The following CAMKK2 variants were observed in gnomAD, a reference collection of about 807,000 sequenced individuals.
The protein encoded by CAMKK2 is calcium/calmodulin-dependent protein kinase kinase 2.
Under a neutral mutation model 67.2 loss-of-function variants are expected in CAMKK2, and 30 were observed. The observed-to-expected ratio is 0.45, with a 90% confidence interval of 0.33 to 0.61. The LOEUF is 0.61. CAMKK2 is among the 20% of genes least tolerant of loss of function. The pLI, the probability that CAMKK2 is intolerant of heterozygous loss-of-function variation, is 0.02. For missense variants in CAMKK2, 643 were observed against 802.0 expected, an observed-to-expected ratio of 0.80 and a Z score of 2.39; for synonymous variants, 322 against 326.2, an observed-to-expected ratio of 0.99 and a Z score of 0.14.
At chr12:121,274,982 A>G (rs1483562740) in intron 1 of CAMKK2, among the ~76,000 whole-genome samples, 1 of 151,218 alleles carries the variant, frequency 6.6e-6, no homozygotes, top group Non-Finnish European at 1.5e-5. Context: ...TCCTAACTCA[A>G]TTCCTATAGG....
rs765741456 is a variant in CAMKK2, at chr12:121,240,655, C to T, written c.*44G>A. ...ATGGAAACGCGGTGCAGCAGCCCCC[C>T]AGAGGCGACGCGGCGCGCATGCGAG... On this transcript the variant is annotated 3_prime_UTR_variant, in exon 17 of 17. Transcript: ENST00000404169. This position sits in a 1 kb window ranked among gnomAD's most constrained non-coding sequence, Gnocchi z 4.4. The T allele has an allele frequency of 7.1e-6, 11 of 1,550,342 alleles. No homozygotes were observed. The highest frequency in any genetic ancestry group is 1.2e-5 in the South Asian group (1 of 85,430).
chr12:121,244,743 C>G (rs376101932), intron 15 of CAMKK2, 128 bp from the exon 16 acceptor site: 1 of 746,356 alleles, frequency 1.3e-6, no homozygotes, highest in Non-Finnish European at 2.2e-6. Context: ...GCCAGGGTGG[C>G]GTTGACAGCA....
intron 7 of CAMKK2, among the ~76,000 whole-genome samples, chr12:121,258,827 TCA>T (rs1415823034): frequency 4.7e-5 from 7 of 148,620 alleles, no homozygotes; most frequent in African/African-American, 7.4e-5. Context: ...TCCATCACTC[TCA>T]GAGTCAAAGC....
chr12:121,293,106 T>C (rs1292357368), intron 1 of CAMKK2, among the ~76,000 whole-genome samples: 1 of 151,988 alleles, frequency 6.6e-6, no homozygotes, highest in Non-Finnish European at 1.5e-5. Flanking sequence ...TGAAACCCCG[T>C]TTCTACTAAA....
At chr12:121,252,372 G>A (rs1397290006) in intron 11 of CAMKK2, among the ~76,000 whole-genome samples, 2 of 152,208 alleles carry the variant, frequency 1.3e-5, no homozygotes, top group Non-Finnish European at 1.5e-5. Context: ...GGGTTCAGGC[G>A]ATTCTCCTGC....
chr12:121,249,767 AC>A lies in CAMKK2; in HGVS notation c.1323+19del. On this transcript the variant is annotated intron_variant, in intron 13 of 16. Transcript: ENST00000404169. The stretch of plus-strand genomic sequence containing the variant: ...AGCCAAACAATTCCGAGCACGGGGC[AC>A]AGGCTGAGCCAAGGGTACCTTGATT... 6.2e-7 allele frequency: 1 copy of A among 1,609,676 alleles called. No individual in the cohort carries two copies. The highest frequency in any genetic ancestry group is 8.5e-7 in the Non-Finnish European group (1 of 1,175,980).
intron 1 of CAMKK2, 46 bp from the exon 2 acceptor site, chr12:121,274,631 G>A: frequency 1.4e-6 from 1 of 731,220 alleles, no homozygotes; most frequent in South Asian, 1.8e-5. Flanking sequence ...TACGGGCAGG[G>A]ACAGGAAAGG....
At chr12:121,261,076 G>A (rs1176307220) in intron 6 of CAMKK2, among the ~76,000 whole-genome samples, 1 of 151,934 alleles carries the variant, frequency 6.6e-6, no homozygotes, top group Non-Finnish European at 1.5e-5. Context: ...AACCCCACAG[G>A]AAATGATGTC....
At chr12:121,252,639 G>A (rs202194414) in intron 11 of CAMKK2, 22 bp downstream of exon 11, 3 of 1,612,544 alleles carry the variant, frequency 1.9e-6, no homozygotes, top group East Asian at 2.2e-5. Context: ...GTACTGAGGG[G>A]ACAGACACCC....
intron 16 of CAMKK2, among the ~76,000 whole-genome samples, chr12:121,242,826 T>C (rs551679997): frequency 1.4e-4 from 21 of 152,194 alleles, no homozygotes; most frequent in Non-Finnish European, 2.8e-4. Context: ...CACTGCAAGC[T>C]CCGCCTCCCG....
chr12:121,273,071 A>G (rs1896077134), intron 2 of CAMKK2, among the ~76,000 whole-genome samples: 1 of 152,072 alleles, frequency 6.6e-6, no homozygotes, highest in Non-Finnish European at 1.5e-5. Context: ...CTGGGTGGAG[A>G]CAGGCAATAA....
intron 9 of CAMKK2, among the ~76,000 whole-genome samples, chr12:121,255,280 ATATATATAAT>A (rs1891811441): frequency 3.4e-5 from 2 of 58,990 alleles, no homozygotes; most frequent in African/African-American, 9.4e-5. Flanking sequence ...ATATATAATT[ATATATATAAT>A]TATATATATA....
At position 121,248,699 on chromosome 12, in the gene CAMKK2, C is replaced by A. The variant is rs56000497; in HGVS notation, c.1359G>T (p.Pro453=). ...HPWVTRHGAE[P]LPSEDENCTL... ...TGCAGTTCTCATCCTCCGACGGCAA[C>A]GGCTCCGCCCCATGCCTCGTGACCC... Residue 453 remains proline (P), a synonymous_variant, in exon 14 of 17, where the codon CCG becomes CCT. Coordinates refer to ENST00000404169, the MANE Select transcript of CAMKK2 (RefSeq NM_001270485.2). 6.2e-7 allele frequency: 1 copy of A among 1,614,168 alleles called. No homozygotes were observed. Among genetic ancestry groups the A allele is most frequent in the South Asian group, 1.1e-5 (1 of 91,088 alleles).
chr12:121,266,881 T>C (rs74183948), intron 5 of CAMKK2, among the ~76,000 whole-genome samples: 9,402 of 152,108 alleles, frequency 0.062, 376 homozygotes, highest in Middle Eastern at 0.16. Context: ...CAGCCTCTGA[T>C]ACTCTCACCT....
chr12:121,289,941 G>C (rs1165751811), intron 1 of CAMKK2, among the ~76,000 whole-genome samples: 1 of 149,128 alleles, frequency 6.7e-6, no homozygotes, highest in East Asian at 2.0e-4. Context: ...GGAGGCCTAA[G>C]ACCTCAGGAA....
At chr12:121,294,637 G>A (rs1900768382) in intron 1 of CAMKK2, among the ~76,000 whole-genome samples, 1 of 152,180 alleles carries the variant, frequency 6.6e-6, no homozygotes, top group Non-Finnish European at 1.5e-5. Context: ...TGCCTGCACT[G>A]GCTGTGTGAC....
At chr12:121,281,082 T>TC (rs1306166004) in intron 1 of CAMKK2, among the ~76,000 whole-genome samples, 1 of 152,196 alleles carries the variant, frequency 6.6e-6, no homozygotes, top group African/African-American at 2.4e-5. Flanking sequence ...ATGTGATGTC[T>TC]CCCCCGGACG....
At chr12:121,288,293 G>A (rs1371816365) in intron 1 of CAMKK2, among the ~76,000 whole-genome samples, 1 of 152,202 alleles carries the variant, frequency 6.6e-6, no homozygotes, top group East Asian at 1.9e-4. Flanking sequence ...GAAACCCACA[G>A]GCATCGGTGC....
At chr12:121,271,810 C>A (rs1317041260) in intron 2 of CAMKK2, among the ~76,000 whole-genome samples, 1 of 152,158 alleles carries the variant, frequency 6.6e-6, no homozygotes, top group Non-Finnish European at 1.5e-5. Context: ...CAGATTCAAG[C>A]AATTCTCCTG....
Sources: gnomAD v4.1 joint callset for allele counts (sites outside exome capture counted in the v4.1 genomes callset) on GRCh38, gnomAD v4.1.1 for gene constraint, Gnocchi (gnomAD v3.1) non-coding constraint, MANE v1.5 for transcripts, NCBI Gene and HGNC (gene_info 2026-07-23, HGNC 2026-07-21) for gene names.